The following RNF43 variants were observed in gnomAD, a reference collection of about 807,000 sequenced individuals.
RNF43 encodes E3 ubiquitin-protein ligase RNF43.
Under a neutral mutation model 78.4 loss-of-function variants are expected in RNF43, and 37 were observed. The observed-to-expected ratio is 0.47, with a 90% CI of 0.36 to 0.62. The LOEUF is 0.62. Ranked by LOEUF, RNF43 falls within the 20% of genes least tolerant of loss-of-function variation. The probability of loss-of-function intolerance (pLI) is 0.00; values close to 1 mark genes in which losing one functional copy is unlikely to be tolerated. For missense variants in RNF43, 774 were observed against 1,007.9 expected (o/e 0.77, Z 3.14); for synonymous variants, 347 against 395.0 (o/e 0.88, Z 1.44).
intron 2 of RNF43, among the ~76,000 whole-genome samples, chr17:58,393,840 G>A (rs1973613419): frequency 6.6e-6 from 1 of 152,156 alleles, no homozygotes; most frequent in African/African-American, 2.4e-5. Context: ...GGATCATGAG[G>A]TCAGGAGATC....
At chr17:58,359,530 G>A (rs1972782494) in intron 8 of RNF43, among the ~76,000 whole-genome samples, 1 of 151,926 alleles carries the variant, frequency 6.6e-6, no homozygotes. Flanking sequence ...CGTGAACCTG[G>A]GAGGCGGAGC....
At chr17:58,402,730 T>C (rs1450027791) in intron 2 of RNF43, 1 of 152,250 alleles carries the variant, frequency 6.6e-6, no homozygotes, top group African/African-American at 2.4e-5. Flanking sequence ...GTGACACTAA[T>C]ACTTAACATG....
chr17:58,380,726 T>C (rs1973295294), intron 2 of RNF43, among the ~76,000 whole-genome samples: 2 of 152,232 alleles, frequency 1.3e-5, no homozygotes, highest in African/African-American at 4.8e-5. Flanking sequence ...CAGAGCTACT[T>C]GAGCATTGCT....
In RNF43 at chr17:58,363,596, C is replaced by A. The variant is rs35219874; in HGVS notation, c.380G>T (p.Arg127Leu). Residue 127 changes from arginine (R) to leucine (L), a missense_variant, in exon 4 of 10, where the codon CGG becomes CTG. Arg to Leu is a moderately radical substitution (Grantham distance 102). Coordinates refer to ENST00000407977, the MANE Select transcript of RNF43 (RefSeq NM_017763.6). ...ACTGGCTCCTCGCTCACCCGCCATCCGAGCCTGCAGAGGCACACAGTAGAG... is the reference window on the plus strand; with the variant it reads ...ACTGGCTCCTCGCTCACCCGCCATCAGAGCCTGCAGAGGCACACAGTAGAG... ...RPCLSLASKA[R>L]MAGERGASAV... 1 of 1,610,770 alleles carries A rather than the reference C, an allele frequency of 6.2e-7. No homozygotes were observed.
chr17:58,370,383 AT>A (rs777098709), intron 3 of RNF43, among the ~76,000 whole-genome samples: 13 of 152,186 alleles, frequency 8.5e-5, no homozygotes, highest in Non-Finnish European at 1.6e-4. Flanking sequence ...CTCAGCTTTT[AT>A]ATAAACATTT....
rs774483341 is a variant in RNF43 at position 58,358,653 on chromosome 17, A to G, written c.1123T>C (p.Phe375Leu). 6.5e-6 allele frequency: 10 copies of G among 1,528,720 alleles called. No individual in the cohort carries two copies. The highest frequency in any genetic ancestry group is 8.8e-6 in the Non-Finnish European group (10 of 1,135,312). The allele number at this position is 1,528,720 out of a possible 1,614,324, so 94.7% of individuals were successfully genotyped here. A position where few individuals can be genotyped will look rare whatever the true frequency, so the allele number is the denominator to read the frequency against. ...ATGCCTGGCTCCTGGGATGGCAGGA[A>G]GGGACCAGGTCGTGGGGGCCGAGCC... ...AVARPPRPGP[F>L]LPSQEPGMGP... The change falls in exon 9 of 10, where the codon TTC becomes CTC. Residue 375 changes from phenylalanine to leucine, a missense_variant. Phe to Leu is a conservative substitution (Grantham distance 22). Transcript: ENST00000407977. The surrounding 1 kb of genome is among the most constrained non-coding windows in gnomAD (Gnocchi z 6.2).
chr17:58,411,229 A>G (rs1974019076), intron 2 of RNF43, among the ~76,000 whole-genome samples: 1 of 152,246 alleles, frequency 6.6e-6, no homozygotes, highest in Non-Finnish European at 1.5e-5. Context: ...TGAAGCCTAG[A>G]AAGGTAAACA....
At chr17:58,385,345 C>A (rs1567887268) in intron 2 of RNF43, among the ~76,000 whole-genome samples, 1 of 151,978 alleles carries the variant, frequency 6.6e-6, no homozygotes, top group Non-Finnish European at 1.5e-5. Flanking sequence ...TTAAATATAC[C>A]AAACCTAAAT....
rs200961924 is a variant in RNF43, at chr17:58,415,331, T to C, written c.247A>G (p.Met83Val). ...AEITPAEGKL[M>V]QSHPLYLCNA... is the part of the protein sequence containing the mutation. ...TATAATAAAGTTATACTTGCCTGCA[T>C]TAATTTTCCTTCTGCTGGAGTTATT... Residue 83 changes from methionine to valine, a missense_variant, in exon 2 of 10, where the codon ATG becomes GTG. Transcript: ENST00000407977. The C allele has an allele frequency of 9.3e-6, 15 of 1,614,188 alleles. No homozygotes were observed. In the African/African-American group the frequency reaches 1.1e-4, roughly 11 times the overall value.
intron 2 of RNF43, among the ~76,000 whole-genome samples, chr17:58,373,369 C>CGTTTGG (rs1973141981): frequency 2.6e-5 from 4 of 152,148 alleles, no homozygotes; most frequent in Non-Finnish European, 5.9e-5. Flanking sequence ...GAAAAAAAAC[C>CGTTTGG]TGGTATGAGC....
intron 3 of RNF43, among the ~76,000 whole-genome samples, chr17:58,365,215 C>T (rs546439403): frequency 6.6e-6 from 1 of 152,274 alleles, no homozygotes; most frequent in South Asian, 2.1e-4. Flanking sequence ...ACCCTCCTAA[C>T]AAGGGTAAGG....
At chr17:58,377,735 G>A (rs1973234092) in intron 2 of RNF43, among the ~76,000 whole-genome samples, 1 of 134,882 alleles carries the variant, frequency 7.4e-6, no homozygotes, top group African/African-American at 2.8e-5. Context: ...TTAGTTCTCT[G>A]ATTCCACGTA....
chr17:58,374,527 G>A (rs1380920995), intron 2 of RNF43, among the ~76,000 whole-genome samples: 1 of 151,932 alleles, frequency 6.6e-6, no homozygotes, highest in Non-Finnish European at 1.5e-5. Flanking sequence ...CAAGTAGCTG[G>A]GACTACAGGC....
intron 2 of RNF43, among the ~76,000 whole-genome samples, chr17:58,412,933 A>G (rs1420977219): frequency 6.6e-6 from 1 of 152,120 alleles, no homozygotes; most frequent in African/African-American, 2.4e-5. Context: ...AATAATCTTA[A>G]CAGGTAACTA....
intron 2 of RNF43, among the ~76,000 whole-genome samples, chr17:58,396,147 G>C (rs184816246): frequency 1.3e-5 from 2 of 152,254 alleles, no homozygotes; most frequent in African/African-American, 4.8e-5. Flanking sequence ...GAACAGGCCT[G>C]CTCATCAAAA....
At chr17:58,365,900 A>T (rs1972939704) in intron 3 of RNF43, among the ~76,000 whole-genome samples, 1 of 152,206 alleles carries the variant, frequency 6.6e-6, no homozygotes, top group Admixed American at 6.5e-5. Flanking sequence ...CTCTAGCAAC[A>T]GGAGCCATTA....
At chr17:58,414,050 A>G (rs1292991246) in intron 2 of RNF43, among the ~76,000 whole-genome samples, 1 of 152,190 alleles carries the variant, frequency 6.6e-6, no homozygotes, top group East Asian at 1.9e-4. Context: ...TTTAGAATCC[A>G]AATTATCTTA....
chr17:58,355,774 C>T (rs1033386376), intron 9 of RNF43, among the ~76,000 whole-genome samples: 2 of 152,168 alleles, frequency 1.3e-5, no homozygotes, highest in Non-Finnish European at 2.9e-5. Flanking sequence ...AGCAGTGGAG[C>T]TGTGGTGCAC....
At chr17:58,361,960 T>G (rs1053825659) in intron 6 of RNF43, among the ~76,000 whole-genome samples, 1 of 151,972 alleles carries the variant, frequency 6.6e-6, no homozygotes. Context: ...ATACAAAAAT[T>G]AGTAGCTCCC....
Sources: gnomAD v4.1 joint callset for allele counts (sites outside exome capture counted in the v4.1 genomes callset) on GRCh38, gnomAD v4.1.1 for gene constraint, Gnocchi (gnomAD v3.1) non-coding constraint, MANE v1.5 for transcripts, NCBI Gene and HGNC (gene_info 2026-07-23, HGNC 2026-07-21) for gene names.